The following SYN1 variants were observed in gnomAD, a reference collection of about 807,000 sequenced individuals.
The protein encoded by SYN1 is synapsin-1.
In SYN1, 8 loss-of-function variants were observed where a neutral mutation model predicts 44.6. The ratio of observed to expected loss-of-function variants is 0.18; its 90% CI spans 0.11 to 0.32. The LOEUF is 0.32. SYN1 is among the 10% of genes least tolerant of loss of function. The pLI is 1.00. For missense variants in SYN1, 451 were observed against 639.4 expected (o/e 0.71, Z 3.18); for synonymous variants, 275 against 280.1 (o/e 0.98, Z 0.18).
Position 47,574,887 on chromosome X carries a change from G to A in SYN1, c.1306-112C>T. 3 of 835,390 alleles carry A rather than the reference G, an allele frequency of 3.6e-6. No homozygotes were observed. The East Asian group carries it at 1.0e-4, about 29-fold the overall frequency. The allele number at this position is 835,390 out of a possible 1,213,427, so 68.8% of individuals were successfully genotyped here. ...GCTGGGTGTTGCCCCACTTGTGGCT[G>A]AGCTGAGGGTACTCTGGGTTGTGGG... On this transcript the variant is annotated intron_variant, in intron 10 of 12. Transcript: ENST00000295987.
intron 5 of SYN1, chrX:47,586,406 T>C (rs1315159750): frequency 9.0e-7 from 1 of 1,112,531 alleles, no homozygotes; most frequent in African/African-American, 1.8e-5. Context: ...TGTACTTAGG[T>C]GGGGTGAGAG....
intron 5 of SYN1, among the ~76,000 whole-genome samples, chrX:47,590,766 A>G (rs1263420070): frequency 9.0e-6 from 1 of 111,273 alleles, no homozygotes. Flanking sequence ...GTTGTGGCTC[A>G]CCCCTGTTCT....
chrX:47,614,302 A>G (rs773914537), intron 1 of SYN1, among the ~76,000 whole-genome samples: 5 of 111,235 alleles, frequency 4.5e-5, no homozygotes, highest in African/African-American at 6.5e-5. Flanking sequence ...TAAATGGGAA[A>G]TGTGGTTGTT....
At chrX:47,607,303 C>A in intron 1 of SYN1, 105 bp from the exon 2 acceptor site, 1 of 659,987 alleles carries the variant, frequency 1.5e-6, no homozygotes, top group South Asian at 2.5e-5. Flanking sequence ...AAAGAAACCA[C>A]AAAGTGCCTT....
At chrX:47,602,497 C>A (rs2057882751) in intron 5 of SYN1, among the ~76,000 whole-genome samples, 1 of 111,210 alleles carries the variant, frequency 9.0e-6, no homozygotes, top group Admixed American at 9.6e-5. Flanking sequence ...CAAAAAGTAG[C>A]TGGGCGTGGT....
Position 47,583,656 on chromosome X carries a change from T to C in SYN1, c.775-6155A>G, listed in dbSNP as rs1463399402. On this transcript the variant is annotated intron_variant, in intron 5 of 12. Transcript: ENST00000295987. ...ACTCGCCCCTGCACTTCCTCTGCTT[T>C]AGCCACACTGGCATCCTCACACTTC... The C allele has an allele frequency of 9.6e-6, 8 of 831,074 alleles. No individual in the cohort carries two copies. The Admixed American group carries it at 1.4e-4, about 15-fold the overall frequency. The allele number at this position is 831,074 out of a possible 1,213,427, so 68.5% of individuals were successfully genotyped here.
rs1162877055 is a variant in SYN1, at chrX:47,574,236, C to G, written c.1748G>C (p.Gly583Ala). The G allele has an allele frequency of 1.4e-5, 15 of 1,091,362 alleles. No individual in the cohort carries two copies. Among genetic ancestry groups the G allele is most frequent in the South Asian group, 2.2e-5 (1 of 45,313 alleles). 89.9% of individuals were successfully genotyped at this position (1,091,362 alleles called of 1,213,427 possible). Residue 583 changes from glycine to alanine, a missense_variant, in exon 12 of 13, where the codon GGC (glycine) becomes GCC (alanine). Physicochemically the swap from Gly to Ala is moderately conservative, Grantham distance 60. Around this residue, in one of 3 missense-constraint regions of SYN1, gnomAD observed 127 missense variants for 154.8 expected, o/e 0.82. Coordinates refer to ENST00000295987, the MANE Select transcript of SYN1 (RefSeq NM_006950.3). ...GGGCGGGCCCTGGCGCTGCTGCCCG[C>G]CCGGTGGGGCCCCAGAGGCCTTTGG... ...APPKASGAPP[G>A]GQQRQGPPQK...
chrX:47,583,685 G>A, intron 5 of SYN1: 1 of 653,720 alleles, frequency 1.5e-6, no homozygotes, highest in Non-Finnish European at 2.1e-6. Context: ...ACACTTCCTT[G>A]AGTACTCTGT....
At chrX:47,583,364 G>T in intron 5 of SYN1, 1 of 1,163,201 alleles carries the variant, frequency 8.6e-7, no homozygotes, top group East Asian at 3.0e-5. Flanking sequence ...CAGGTCAGCA[G>T]ATCAGCTGGG....
rs759098677 is a variant in SYN1, at chrX:47,585,022, C to G, written c.775-7521G>C. On this transcript the variant is annotated intron_variant, in intron 5 of 12. Coordinates refer to ENST00000295987, the MANE Select transcript of SYN1 (RefSeq NM_006950.3). ...TGAGATCAAGATGACCAAGGTATCCCCTGCCCCCGCCTCTTTCCCAGCATT... is the reference window on the plus strand; with the variant it reads ...TGAGATCAAGATGACCAAGGTATCCGCTGCCCCCGCCTCTTTCCCAGCATT... 1.1e-5 allele frequency: 13 copies of G among 1,206,473 alleles called. No individual in the cohort carries two copies. The South Asian group carries it at 2.3e-4, about 21-fold the overall frequency.
chrX:47,608,303 AGG>A lies in SYN1; in HGVS notation c.378-1107_378-1106del, dbSNP rs1343485671. Among the ~76,000 whole-genome samples, 12 of 95,404 alleles carry A rather than the reference AGG, an allele frequency of 1.3e-4. 1 individual carries two copies. Among genetic ancestry groups the A allele is most frequent in the East Asian group, 1.1e-3 (3 of 2,790 alleles). 82.8% of individuals were successfully genotyped at this position (95,404 alleles called of 115,157 possible). On this transcript the variant is annotated intron_variant, in intron 1 of 12. Transcript: ENST00000295987. ...GGAAGGAAGGAAGGGGAAGGAAGGA[AGG>A]GGAAGGAAGGAAGGAAGGAGAGAAA...
intron 5 of SYN1, chrX:47,583,489 C>G: frequency 8.3e-7 from 1 of 1,208,135 alleles, no homozygotes; most frequent in Non-Finnish European, 1.1e-6. Context: ...AGGGCCTGCA[C>G]CTGTGTCCCA....
intron 1 of SYN1, 145 bp downstream of exon 1, chrX:47,619,207 G>A (rs2057939955): frequency 5.4e-6 from 5 of 933,989 alleles, no homozygotes; most frequent in Non-Finnish European, 7.3e-6. Flanking sequence ...CACAGAGGAA[G>A]CATCCAGCTT....
At chrX:47,616,414 G>T (rs2057931575) in intron 1 of SYN1, among the ~76,000 whole-genome samples, 1 of 111,761 alleles carries the variant, frequency 8.9e-6, no homozygotes, top group African/African-American at 3.3e-5. Context: ...TATGGAAAGG[G>T]GAAGGGACTT....
At chrX:47,600,394 T>C (rs753376214) in intron 5 of SYN1, among the ~76,000 whole-genome samples, 1 of 111,298 alleles carries the variant, frequency 9.0e-6, no homozygotes, top group Admixed American at 9.6e-5. Context: ...AGTTGGGGTT[T>C]TGCCATGTAG....
chrX:47,619,711 G>A lies in SYN1; in HGVS notation c.18C>T (p.Arg6=), dbSNP rs1480719992. Residue 6 remains arginine (R), a synonymous_variant, in exon 1 of 13, where the codon CGC becomes CGT. Coordinates refer to ENST00000295987, the MANE Select transcript of SYN1 (RefSeq NM_006950.3). The part of the protein sequence containing the change: MNYLR[R]RLSDSNFMAN... Reference sequence around the variant, plus strand: ...CCATAAAGTTGCTGTCCGACAGGCGGCGCCGCAGGTAGTTCATGGCTGCGA... The same window carrying A: ...CCATAAAGTTGCTGTCCGACAGGCGACGCCGCAGGTAGTTCATGGCTGCGA... 2 of 1,170,606 alleles carry A rather than the reference G, an allele frequency of 1.7e-6. No individual in the cohort carries two copies. The highest frequency in any genetic ancestry group is 1.1e-6 in the Non-Finnish European group (1 of 874,256).
At chrX:47,598,513 C>A (rs899111845) in intron 5 of SYN1, among the ~76,000 whole-genome samples, 2 of 111,301 alleles carry the variant, frequency 1.8e-5, no homozygotes, top group Non-Finnish European at 3.8e-5. Context: ...GGCAACATGG[C>A]AAGGTCCTGT....
Position 47,576,143 on chromosome X carries a change from A to G in SYN1, c.1146T>C (p.Asp382=). Residue 382 remains aspartate (D), a synonymous_variant, in exon 9 of 13, where the codon GAT becomes GAC. Transcript: ENST00000295987. ...VEALHGKDGR[D]HIIEVVGSSM... ...TGGGTGCTCATACCTCAATGATGTG[A>G]TCCCTTCCGTCCTTGCCATGTAGCG... 1 of 1,200,583 alleles carries G rather than the reference A, an allele frequency of 8.3e-7. No individual in the cohort carries two copies. The highest frequency in any genetic ancestry group is 1.1e-6 in the Non-Finnish European group (1 of 889,849).
At position 47,576,162 on chromosome X, in the gene SYN1, T is replaced by C. The variant is rs776045581; in HGVS notation, c.1127A>G (p.His376Arg). 2.5e-6 allele frequency: 3 copies of C among 1,202,895 alleles called. No individual in the cohort carries two copies. Among genetic ancestry groups the C allele is most frequent in the South Asian group, 1.8e-5 (1 of 55,499 alleles). ...GATGTGATCCCTTCCGTCCTTGCCA[T>C]GTAGCGCTTCCACTGCGCAGATGTC... ...GLDICAVEALHGKDGRDHIIE... is the reference protein window; with the variant it reads ...GLDICAVEALRGKDGRDHIIE... The change falls in exon 9 of 13, where the codon CAT (histidine) becomes CGT (arginine). Residue 376 changes from histidine to arginine, a missense_variant. Physicochemically the swap from His to Arg is conservative, Grantham distance 29. Transcript: ENST00000295987.
Sources: gnomAD v4.1 joint callset for allele counts (sites outside exome capture counted in the v4.1 genomes callset) on GRCh38, gnomAD v4.1.1 for gene constraint, gnomAD v4.1.1 regional missense constraint, MANE v1.5 for transcripts, NCBI Gene and HGNC (gene_info 2026-07-23, HGNC 2026-07-21) for gene names.